RBFOX1: variants seen among roughly 807,000 people sequenced by gnomAD.
RBFOX1 encodes RNA binding protein fox-1 homolog 1.
Under a neutral mutation model 57.7 loss-of-function variants are expected in RBFOX1, and 8 were observed. That is an observed-to-expected ratio of 0.14 (90% confidence interval 0.08 to 0.25). The LOEUF (loss-of-function observed/expected upper bound fraction) is 0.25. RBFOX1 is among the 10% of genes least tolerant of loss of function. The probability of loss-of-function intolerance (pLI) is 1.00; values close to 1 mark genes in which losing one functional copy is unlikely to be tolerated. For synonymous variants in RBFOX1, 326 were observed against 222.4 expected (o/e 1.47, Z -4.15); for missense variants, 611 against 548.5 (o/e 1.11, Z -1.14).
At chr16:5,607,176 T>C (rs1159533075) in intron 3 of RBFOX1, among the ~76,000 whole-genome samples, 12 of 152,186 alleles carry the variant, frequency 7.9e-5, no homozygotes, top group Admixed American at 7.9e-4. Flanking sequence ...TCACTGCTAA[T>C]GTGCCTTCTA....
At chr16:6,016,576 C>G (rs1189643312), upstream of RBFOX1, among the ~76,000 whole-genome samples, 1 of 152,192 alleles carries the variant, frequency 6.6e-6, no homozygotes, top group African/African-American at 2.4e-5. Context: ...AGCTCTCAGC[C>G]AAGCACAAGG....
intron 2 of RBFOX1, among the ~76,000 whole-genome samples, chr16:6,484,666 G>T (rs906232443): frequency 3.3e-5 from 5 of 152,268 alleles, no homozygotes; most frequent in South Asian, 4.1e-4. Flanking sequence ...TGGGGAAATT[G>T]GGGGTTTTAT....
chr16:6,622,127 T>C (rs886324035), intron 2 of RBFOX1, among the ~76,000 whole-genome samples: 1 of 152,214 alleles, frequency 6.6e-6, no homozygotes, highest in Non-Finnish European at 1.5e-5. Flanking sequence ...TGGCATATTG[T>C]AGGCATTCCT....
chr16:6,903,506 T>A (rs2068988490), intron 3 of RBFOX1, among the ~76,000 whole-genome samples: 1 of 152,144 alleles, frequency 6.6e-6, no homozygotes, highest in African/African-American at 2.4e-5. Context: ...GTAAAATAAA[T>A]ACATGATGTG....
intron 1 of RBFOX1, among the ~76,000 whole-genome samples, chr16:6,186,330 G>A (rs1362719239): frequency 6.6e-6 from 1 of 152,164 alleles, no homozygotes; most frequent in Non-Finnish European, 1.5e-5. Context: ...TTTGGAGTGA[G>A]TTTGAAGAAG....
chr16:5,667,709 G>A (rs1433794069), intron 3 of RBFOX1, among the ~76,000 whole-genome samples: 2 of 152,178 alleles, frequency 1.3e-5, no homozygotes, highest in East Asian at 3.8e-4. Flanking sequence ...GTTTCTGCAG[G>A]TGAAACTATT....
At chr16:6,751,871 A>G (rs1194463680) in intron 3 of RBFOX1, among the ~76,000 whole-genome samples, 1 of 152,188 alleles carries the variant, frequency 6.6e-6, no homozygotes, top group African/African-American at 2.4e-5. Context: ...ATTGAATTTT[A>G]GATGGAGATG....
intron 2 of RBFOX1, among the ~76,000 whole-genome samples, chr16:5,522,575 G>T (rs1342373865): frequency 2.0e-5 from 3 of 152,154 alleles, no homozygotes; most frequent in Non-Finnish European, 4.4e-5. Context: ...TAGCTATTTT[G>T]AGATATACAG....
In RBFOX1 at chr16:6,435,627, A is replaced by G. The variant is rs566007946; in HGVS notation, c.-64+118570A>G. On this transcript the variant is annotated intron_variant, in intron 2 of 15. Transcript: ENST00000550418. The stretch of plus-strand genomic sequence containing the variant: ...CCAGTATTCGTTTTATATAGCATCT[A>G]CCCCCAGCAAGATTTATAGACACTG... Among the ~76,000 whole-genome samples, 276 of 151,928 alleles carry G rather than the reference A, an allele frequency of 1.8e-3. 1 individual carries two copies. Among genetic ancestry groups the G allele is most frequent in the Non-Finnish European group, 2.9e-3 (199 of 67,970 alleles).
intron 3 of RBFOX1, among the ~76,000 whole-genome samples, chr16:6,945,464 A>G (rs542049787): frequency 1.6e-5 from 2 of 123,454 alleles, no homozygotes; most frequent in South Asian, 2.6e-4. Context: ...AAATATGGAT[A>G]TTTTGATTTT....
At chr16:6,887,859 G>C (rs1349905801) in intron 3 of RBFOX1, among the ~76,000 whole-genome samples, 1 of 151,928 alleles carries the variant, frequency 6.6e-6, no homozygotes, top group Non-Finnish European at 1.5e-5. Context: ...GGTGGGGTTT[G>C]CCATGTTGGC....
chr16:5,545,841 C>T (rs1296005900), intron 2 of RBFOX1, among the ~76,000 whole-genome samples: 3 of 151,980 alleles, frequency 2.0e-5, no homozygotes, highest in African/African-American at 7.3e-5. Flanking sequence ...TTTAATAAGG[C>T]AGGAGAAATG....
At chr16:7,421,735 T>C (rs1161151387) in intron 4 of RBFOX1, among the ~76,000 whole-genome samples, 2 of 152,252 alleles carry the variant, frequency 1.3e-5, no homozygotes, top group African/African-American at 2.4e-5. Context: ...CTCCACATCA[T>C]TCCTTGTTTG....
rs189602621 is a variant in RBFOX1, at chr16:6,173,739, A to G, written c.-126-143256A>G. ...ATTCTCCCGCCTGAACCTCCAGAGT[A>G]GCTGGGGCTATAGGCGTATGGCACC... On this transcript the variant is annotated intron_variant, in intron 1 of 15. Transcript: ENST00000550418. Among the ~76,000 whole-genome samples, 68 of 151,340 alleles carry G rather than the reference A, an allele frequency of 4.5e-4. No homozygotes were observed. The East Asian group carries it at 0.013, about 30-fold the overall frequency.
At chr16:6,893,860 A>C (rs7190946) in intron 3 of RBFOX1, among the ~76,000 whole-genome samples, 108,569 of 151,974 alleles carry the variant, frequency 0.71, 38,986 homozygotes, top group East Asian at 0.92. Context: ...AATGAATTGT[A>C]TGGGGAATAG....
chr16:5,977,392 G>A (rs1006766301), intron 4 of RBFOX1, among the ~76,000 whole-genome samples: 2 of 152,188 alleles, frequency 1.3e-5, no homozygotes, highest in African/African-American at 4.8e-5. Context: ...CACTGTGGGA[G>A]CTATGTGTCC....
At chr16:6,881,324 C>T (rs1196232500) in intron 3 of RBFOX1, among the ~76,000 whole-genome samples, 1 of 152,124 alleles carries the variant, frequency 6.6e-6, no homozygotes, top group Non-Finnish European at 1.5e-5. Context: ...GCTTGGACTG[C>T]CATAACACAG....
chr16:5,840,168 G>C (rs998610688), intron 3 of RBFOX1, among the ~76,000 whole-genome samples: 1 of 152,142 alleles, frequency 6.6e-6, no homozygotes, highest in African/African-American at 2.4e-5. Flanking sequence ...TTTAGAAAAA[G>C]ACCTGGACAC....
At chr16:5,978,949 G>C (rs79144656) in intron 4 of RBFOX1, among the ~76,000 whole-genome samples, 1 of 152,192 alleles carries the variant, frequency 6.6e-6, no homozygotes, top group African/African-American at 2.4e-5. Flanking sequence ...TGTGTTTCCC[G>C]TTCCATGCTG....
Sources: allele counts gnomAD v4.1 joint callset (sites outside exome capture counted in the v4.1 genomes callset), GRCh38; gene constraint gnomAD v4.1.1; transcripts MANE v1.5; gene names NCBI Gene and HGNC (gene_info 2026-07-23, HGNC 2026-07-21).